TTC7B: variants seen among roughly 807,000 people sequenced by gnomAD.
The protein encoded by TTC7B is tetratricopeptide repeat protein 7B.
Under a neutral mutation model 106.8 loss-of-function variants are expected in TTC7B, and 28 were observed. The observed-to-expected ratio is 0.26, with a 90% confidence interval of 0.19 to 0.36. TTC7B has a LOEUF of 0.36. TTC7B is among the 10% of genes least tolerant of loss of function. The pLI, the probability that TTC7B is intolerant of heterozygous loss-of-function variation, is 1.00. For missense variants in TTC7B, 862 were observed against 1,076.4 expected (o/e 0.80, Z 2.79); for synonymous variants, 405 against 430.6 (o/e 0.94, Z 0.74).
chr14:90,804,384 C>G (rs1323051181), intron 1 of TTC7B, among the ~76,000 whole-genome samples: 2 of 151,976 alleles, frequency 1.3e-5, no homozygotes, highest in Non-Finnish European at 2.9e-5. Flanking sequence ...CTCGAGGCTG[C>G]AGGTCTGTGG....
At chr14:90,542,099 C>A (rs1393287518) in intron 19 of TTC7B, among the ~76,000 whole-genome samples, 1 of 152,152 alleles carries the variant, frequency 6.6e-6, no homozygotes, top group Non-Finnish European at 1.5e-5. Flanking sequence ...GCCACCACGC[C>A]CGGCTAATTT....
Position 90,695,576 on chromosome 14 carries a change from T to A in TTC7B, c.701A>T (p.Asn234Ile), listed in dbSNP as rs760748033. The A allele has an allele frequency of 2.5e-6, 4 of 1,596,048 alleles. No homozygotes were observed. The East Asian group carries it at 9.1e-5, about 36-fold the overall frequency. Residue 234 changes from asparagine (N) to isoleucine (I), a missense_variant and splice_region_variant, in exon 6 of 20, where the codon AAC becomes ATC. Physicochemically the swap from Asn to Ile is moderately radical, Grantham distance 149. Coordinates refer to ENST00000328459, the MANE Select transcript of TTC7B (RefSeq NM_001010854.2). ...AAATCTTCCGACTCCTCTTGTCAAG[T>A]TCCTGTGTGGACACAGAATTTGACG... ...RAHVLYFKNGNLTRGVGRFRE... is the reference protein window; with the variant it reads ...RAHVLYFKNGILTRGVGRFRE...
At chr14:90,755,511 T>C (rs1161757188) in intron 3 of TTC7B, among the ~76,000 whole-genome samples, 1 of 152,108 alleles carries the variant, frequency 6.6e-6, no homozygotes, top group East Asian at 1.9e-4. Flanking sequence ...TTGTTTGTAT[T>C]AGCTGTGCAT....
intron 18 of TTC7B, among the ~76,000 whole-genome samples, chr14:90,580,721 C>T (rs977411698): frequency 1.3e-5 from 2 of 152,218 alleles, no homozygotes; most frequent in African/African-American, 2.4e-5. Context: ...AGATGGATCC[C>T]GCCATCCCAG....
intron 1 of TTC7B, among the ~76,000 whole-genome samples, chr14:90,792,625 A>C (rs996243358): frequency 2.6e-5 from 4 of 152,100 alleles, no homozygotes; most frequent in Admixed American, 2.0e-4. Flanking sequence ...GGTGCAGGAA[A>C]ATGATCAACG....
chr14:90,749,351 G>C (rs1194866007), intron 3 of TTC7B, among the ~76,000 whole-genome samples: 2 of 150,836 alleles, frequency 1.3e-5, no homozygotes, highest in African/African-American at 4.9e-5. Flanking sequence ...GCCATGTGAA[G>C]TTGTCCTACA....
rs181218596 is a variant in TTC7B, at chr14:90,788,469, G to C, written c.122-2141C>G. ...TTAGAGCCACAGAACAAATATGAAT[G>C]TCAGAAAGCAATACGTTGCAAAAAC... On this transcript the variant is annotated intron_variant, in intron 1 of 19. Coordinates refer to ENST00000328459, the MANE Select transcript of TTC7B (RefSeq NM_001010854.2). Among the ~76,000 whole-genome samples, 23 of 152,208 alleles carry C rather than the reference G, an allele frequency of 1.5e-4. No individual in the cohort carries two copies. In the East Asian group the frequency reaches 3.7e-3, roughly 24 times the overall value.
At chr14:90,716,338 G>C (rs1888655001) in intron 5 of TTC7B, among the ~76,000 whole-genome samples, 1 of 152,240 alleles carries the variant, frequency 6.6e-6, no homozygotes, top group South Asian at 2.1e-4. Flanking sequence ...AGGTATTAGA[G>C]AATGGGGGAT....
At chr14:90,730,435 GTCGGGGGTGCTGA>G (rs1217722546) in intron 4 of TTC7B, among the ~76,000 whole-genome samples, 1 of 152,226 alleles carries the variant, frequency 6.6e-6, no homozygotes, top group Non-Finnish European at 1.5e-5. Context: ...AAGCTGAGGA[GTCGGGGGTGCTGA>G]TGAGCAGGTG....
chr14:90,753,721 C>T (rs541992913), intron 3 of TTC7B, among the ~76,000 whole-genome samples: 1 of 152,346 alleles, frequency 6.6e-6, no homozygotes, highest in Admixed American at 6.5e-5. Context: ...CAGTTGGTCC[C>T]TTCTGAGTGC....
At chr14:90,683,981 G>A (rs1487348062) in intron 7 of TTC7B, among the ~76,000 whole-genome samples, 1 of 152,040 alleles carries the variant, frequency 6.6e-6, no homozygotes, top group African/African-American at 2.4e-5. Context: ...CCTGGCCAGT[G>A]CCTGGCTCGG....
intron 1 of TTC7B, among the ~76,000 whole-genome samples, chr14:90,786,583 T>C (rs750068997): frequency 6.6e-6 from 1 of 152,016 alleles, no homozygotes; most frequent in Non-Finnish European, 1.5e-5. Flanking sequence ...TGCCAGTAGA[T>C]ACTTTTTTTT....
intron 3 of TTC7B, among the ~76,000 whole-genome samples, chr14:90,776,507 A>G (rs1024822769): frequency 6.6e-6 from 1 of 152,182 alleles, no homozygotes; most frequent in African/African-American, 2.4e-5. Flanking sequence ...CTACGACAAC[A>G]TCAAATATCA....
rs1890348896 is a variant in TTC7B at position 90,757,687 on chromosome 14, T to C, written c.446-12765A>G. ...GGAAAAGGCAATGTCAGTGGTCACT[T>C]GTCTGTCCTACGGCTCTAGGATGAC... On this transcript the variant is annotated intron_variant, in intron 3 of 19. Transcript: ENST00000328459. This position sits in a 1 kb window ranked among gnomAD's most constrained non-coding sequence, Gnocchi z 4.1. Among the ~76,000 whole-genome samples the C allele has an allele frequency of 6.6e-6, 1 of 152,158 alleles. No individual in the cohort carries two copies. Among genetic ancestry groups the C allele is most frequent in the Non-Finnish European group, 1.5e-5 (1 of 68,016 alleles).
Position 90,676,634 on chromosome 14 carries a change from C to T in TTC7B, c.1041G>A (p.Arg347=), listed in dbSNP as rs559075706. ...SMANRDAVLS[R]IPEHKSDRLI... is the part of the protein sequence containing the mutation. ...GGCGGTCACTCTTGTGTTCAGGTAT[C>T]CTGCTCAGCACAGCGTCCCGGTTGG... Residue 347 remains arginine (R), a synonymous_variant, in exon 9 of 20, where the codon AGG becomes AGA. Coordinates refer to ENST00000328459, the MANE Select transcript of TTC7B (RefSeq NM_001010854.2). The T allele has an allele frequency of 6.2e-7, 1 of 1,614,086 alleles. No homozygotes were observed. The highest frequency in any genetic ancestry group is 1.3e-5 in the African/African-American group (1 of 75,022).
At chr14:90,756,702 G>A (rs1035588896) in intron 3 of TTC7B, among the ~76,000 whole-genome samples, 39 of 152,034 alleles carry the variant, frequency 2.6e-4, no homozygotes, top group Admixed American at 2.6e-4. Context: ...GCCGAGAAAT[G>A]TTTTCAAAAC....
intron 5 of TTC7B, among the ~76,000 whole-genome samples, chr14:90,713,773 G>A (rs1039374837): frequency 2.6e-5 from 4 of 152,148 alleles, no homozygotes; most frequent in African/African-American, 9.7e-5. Flanking sequence ...TAGTCAAAAA[G>A]CAAGAACAAT....
rs890618100 is a variant in TTC7B at position 90,805,084 on chromosome 14, C to T, written c.121+11091G>A. Among the ~76,000 whole-genome samples the T allele has an allele frequency of 1.3e-5, 2 of 152,102 alleles. No individual in the cohort carries two copies. The highest frequency in any genetic ancestry group is 2.4e-5 in the African/African-American group (1 of 41,416). On this transcript the variant is annotated intron_variant, in intron 1 of 19. Transcript: ENST00000328459. The surrounding 1 kb of genome is among the most constrained non-coding windows in gnomAD (Gnocchi z 4.0). ...CCCTGGAGATGACACCAACAGTCTT[C>T]GGCGTGGGACCAGGTCTCGGGTGGA... is the stretch of plus-strand genomic sequence containing the variant.
intron 19 of TTC7B, among the ~76,000 whole-genome samples, chr14:90,542,487 G>A (rs1056073431): frequency 2.6e-5 from 4 of 152,184 alleles, no homozygotes; most frequent in East Asian, 1.9e-4. Context: ...GCGTGTACTC[G>A]CTCATCCAAT....
Sources: gnomAD v4.1 joint callset for allele counts (sites outside exome capture counted in the v4.1 genomes callset) on GRCh38, gnomAD v4.1.1 for gene constraint, Gnocchi (gnomAD v3.1) non-coding constraint, MANE v1.5 for transcripts, NCBI Gene and HGNC (gene_info 2026-07-23, HGNC 2026-07-21) for gene names.